TDRD5: variants seen among roughly 807,000 people sequenced by gnomAD.
The protein encoded by TDRD5 is tudor domain containing 5.
In TDRD5, 41 loss-of-function variants were observed where a neutral mutation model predicts 120.6. The observed-to-expected ratio is 0.34, with a 90% CI of 0.26 to 0.44. The LOEUF (loss-of-function observed/expected upper bound fraction) is 0.44, where lower values mean the gene tolerates loss of function less well. Among genes scored for constraint, TDRD5 ranks in the 20% least tolerant of loss-of-function variants. The pLI, the probability that TDRD5 is intolerant of heterozygous loss-of-function variation, is 1.00. For missense variants in TDRD5, 1,006 were observed against 1,221.2 expected, an observed-to-expected ratio of 0.82 and a Z score of 2.63; for synonymous variants, 430 against 433.7, an observed-to-expected ratio of 0.99 and a Z score of 0.11.
intron 3 of TDRD5, 100 bp from the exon 4 acceptor site, chr1:179,595,528 A>G: frequency 2.0e-6 from 2 of 1,019,048 alleles, no homozygotes. Context: ...TTCTAAGTTG[A>G]AGGCAGTTAG....
chr1:179,618,351 A>G (rs2101965536), intron 4 of TDRD5, among the ~76,000 whole-genome samples: 1 of 152,322 alleles, frequency 6.6e-6, no homozygotes. Flanking sequence ...AGACTCTAGA[A>G]TAATTGTTAG....
intron 14 of TDRD5, among the ~76,000 whole-genome samples, chr1:179,659,748 A>T (rs2102091057): frequency 6.6e-6 from 1 of 151,842 alleles, no homozygotes; most frequent in South Asian, 2.1e-4. Flanking sequence ...CCCAGGCTGG[A>T]GTGCAATGGC....
intron 17 of TDRD5, among the ~76,000 whole-genome samples, chr1:179,686,924 C>T (rs1680751776): frequency 7.5e-6 from 1 of 132,878 alleles, no homozygotes; most frequent in African/African-American, 2.6e-5. Flanking sequence ...CTATTTGATT[C>T]TTCTCTCTTT....
chr1:179,685,260 A>G (rs1680641738), intron 17 of TDRD5, among the ~76,000 whole-genome samples: 2 of 152,182 alleles, frequency 1.3e-5, no homozygotes, highest in Admixed American at 1.3e-4. Flanking sequence ...CTTTCTACAT[A>G]TGGCTAGCCA....
Position 179,662,170 on chromosome 1 carries a change from A to C in TDRD5, c.2389A>C (p.Asn797His). 1 of 1,611,748 alleles carries C rather than the reference A, an allele frequency of 6.2e-7. No homozygotes were observed. Among genetic ancestry groups the C allele is most frequent in the Non-Finnish European group, 8.5e-7 (1 of 1,179,058 alleles). ...CATAGGTGATGATATTTGGGATGAG[A>C]ACTGGTTACCTCTACAGGCTAAGAT... ...VTIGDDIWDE[N>H]WLPLQAKMGK... Residue 797 changes from asparagine (N) to histidine (H), a missense_variant, in exon 15 of 18, where the codon AAC (asparagine) becomes CAC (histidine). Physicochemically the swap from Asn to His is moderately conservative, Grantham distance 68. Around this residue, in one of 3 missense-constraint regions of TDRD5, gnomAD observed 403 missense variants for 448.1 expected, o/e 0.90. Coordinates refer to ENST00000444136, the MANE Select transcript of TDRD5 (RefSeq NM_001199085.3).
At chr1:179,661,020 A>G (rs1679285762) in intron 14 of TDRD5, among the ~76,000 whole-genome samples, 2 of 152,062 alleles carry the variant, frequency 1.3e-5, no homozygotes, top group South Asian at 2.1e-4. Flanking sequence ...TCTGCCCTTC[A>G]TGGTTTCTGA....
rs1350723366 is a variant in TDRD5 at position 179,592,633 on chromosome 1, T to C, written c.18T>C (p.Arg6=). ...AGGGCACAATGTCTGAACAAGAGCG[T>C]ATACAGGAATGTCTGCGGAAGGAAA... MSEQE[R]IQECLRKEIR... The change falls in exon 2 of 18, where the codon CGT becomes CGC. Residue 6 remains arginine, a synonymous_variant. Coordinates refer to ENST00000444136, the MANE Select transcript of TDRD5 (RefSeq NM_001199085.3). 6.2e-7 allele frequency: 1 copy of C among 1,614,140 alleles called. No homozygotes were observed.
chr1:179,658,870 C>T (rs1679139243), intron 14 of TDRD5, among the ~76,000 whole-genome samples: 1 of 151,750 alleles, frequency 6.6e-6, no homozygotes. Flanking sequence ...GATTTGAGAC[C>T]TTTCTTTTCT....
intron 2 of TDRD5, among the ~76,000 whole-genome samples, chr1:179,593,224 CAG>C (rs1022207732): frequency 1.3e-5 from 2 of 152,162 alleles, no homozygotes; most frequent in Admixed American, 6.5e-5. Context: ...AAAAATCTGT[CAG>C]GGGTCAATTA....
At chr1:179,630,176 G>T (rs567727948) in intron 6 of TDRD5, among the ~76,000 whole-genome samples, 4 of 151,816 alleles carry the variant, frequency 2.6e-5, no homozygotes, top group African/African-American at 7.2e-5. Context: ...TTTTTGTATT[G>T]TTAGTAGAGA....
At chr1:179,685,473 C>T (rs1015785152) in intron 17 of TDRD5, among the ~76,000 whole-genome samples, 10 of 152,196 alleles carry the variant, frequency 6.6e-5, no homozygotes, top group East Asian at 3.9e-4. Context: ...AGTCAGGTAG[C>T]GTGAAGCCTC....
At chr1:179,657,528 C>A (rs1679065893) in intron 14 of TDRD5, among the ~76,000 whole-genome samples, 1 of 152,068 alleles carries the variant, frequency 6.6e-6, no homozygotes, top group Admixed American at 6.6e-5. Context: ...TGCGTTAGTA[C>A]ATGCAAATGG....
intron 4 of TDRD5, among the ~76,000 whole-genome samples, chr1:179,616,529 G>C (rs1023947344): frequency 6.6e-6 from 1 of 152,070 alleles, no homozygotes; most frequent in Non-Finnish European, 1.5e-5. Flanking sequence ...CTGATAATCT[G>C]TCTCCCTTGC....
intron 11 of TDRD5, among the ~76,000 whole-genome samples, chr1:179,646,229 A>G (rs77247782): frequency 0.013 from 2,018 of 152,308 alleles, 56 homozygotes; most frequent in African/African-American, 0.045. Flanking sequence ...TACAACATGC[A>G]TAACAATGCA....
chr1:179,676,322 T>A lies in TDRD5; in HGVS notation c.2860+6918T>A, dbSNP rs538549280. Among the ~76,000 whole-genome samples, 7 of 152,336 alleles carry A rather than the reference T, an allele frequency of 4.6e-5. No homozygotes were observed. The East Asian group carries it at 1.2e-3, about 25-fold the overall frequency. On this transcript the variant is annotated intron_variant, in intron 17 of 17. Transcript: ENST00000444136. Reference sequence around the variant, plus strand: ...TATCCATTCTGCAGTTCTGTATCTTTTAAGTGGAGCATTGAGGCCATTTAC... The same window carrying A: ...TATCCATTCTGCAGTTCTGTATCTTATAAGTGGAGCATTGAGGCCATTTAC...
chr1:179,652,027 T>C lies in TDRD5; in HGVS notation c.2002-12T>C, dbSNP rs1409680159. 6.2e-7 allele frequency: 1 copy of C among 1,608,406 alleles called. No individual in the cohort carries two copies. Among genetic ancestry groups the C allele is most frequent in the East Asian group, 2.2e-5 (1 of 44,834 alleles). On this transcript the variant is annotated splice_polypyrimidine_tract_variant and intron_variant, in intron 12 of 17. Transcript: ENST00000444136. ...GTAAATTAAACCATCCCTTTTCTTT[T>C]TTTAATCTTAGGGTTTCAGTGAGCT... is the stretch of plus-strand genomic sequence containing the variant.
chr1:179,613,732 T>C (rs1676408282), intron 4 of TDRD5, among the ~76,000 whole-genome samples: 1 of 152,210 alleles, frequency 6.6e-6, no homozygotes, highest in South Asian at 2.1e-4. Context: ...CTTTCCCTCA[T>C]GATCTAATCA....
intron 11 of TDRD5, among the ~76,000 whole-genome samples, chr1:179,647,694 T>C (rs1457169839): frequency 7.2e-5 from 11 of 151,874 alleles, no homozygotes; most frequent in African/African-American, 2.7e-4. Context: ...CGCCACCTAC[T>C]CATCTGACAA....
intron 6 of TDRD5, among the ~76,000 whole-genome samples, chr1:179,628,319 C>CTTTT (rs1282761458): frequency 2.6e-5 from 2 of 76,296 alleles, no homozygotes; most frequent in African/African-American, 1.1e-4. Flanking sequence ...CTTTTCTTTT[C>CTTTT]TTTTCTTTTT....
Sources: gnomAD v4.1 joint callset for allele counts (sites outside exome capture counted in the v4.1 genomes callset) on GRCh38, gnomAD v4.1.1 for gene constraint, gnomAD v4.1.1 regional missense constraint, MANE v1.5 for transcripts, NCBI Gene and HGNC (gene_info 2026-07-23, HGNC 2026-07-21) for gene names.